The following USP34 variants were observed in gnomAD, a reference collection of about 807,000 sequenced individuals.
USP34 encodes the protein ubiquitin carboxyl-terminal hydrolase 34.
In USP34, 70 loss-of-function variants were observed where a neutral mutation model predicts 460.3. The observed-to-expected ratio is 0.15, with a 90% CI of 0.13 to 0.19. The LOEUF (loss-of-function observed/expected upper bound fraction) is 0.19. Ranked by LOEUF, USP34 falls within the 10% of genes least tolerant of loss-of-function variation. The pLI is 1.00. For missense variants in USP34, 3,985 were observed against 4,236.2 expected (o/e 0.94, Z 1.65); for synonymous variants, 1,647 against 1,405.3 (o/e 1.17, Z -3.85).
At chr2:61,433,049 C>G (rs1694721597) in intron 1 of USP34, among the ~76,000 whole-genome samples, 1 of 152,154 alleles carries the variant, frequency 6.6e-6, no homozygotes, top group African/African-American at 2.4e-5. Flanking sequence ...ACTAAAGACA[C>G]CTAGCATTCA....
intron 5 of USP34, among the ~76,000 whole-genome samples, chr2:61,389,423 T>C (rs1693274056): frequency 1.3e-5 from 2 of 152,216 alleles, no homozygotes. Flanking sequence ...TCTTTTATTT[T>C]AGAATACACA....
intron 10 of USP34, among the ~76,000 whole-genome samples, chr2:61,356,402 A>C (rs1198755805): frequency 1.3e-5 from 2 of 151,990 alleles, no homozygotes; most frequent in Non-Finnish European, 2.9e-5. Context: ...AAGTGGGAGG[A>C]TGGCTTAATC....
At chr2:61,440,517 A>C (rs1694933287) in intron 1 of USP34, among the ~76,000 whole-genome samples, 1 of 150,600 alleles carries the variant, frequency 6.6e-6, no homozygotes, top group South Asian at 2.1e-4. Context: ...GCCCTTTTTA[A>C]ATTTTTTTTT....
At chr2:61,439,052 A>G (rs542218743) in intron 1 of USP34, among the ~76,000 whole-genome samples, 6 of 152,342 alleles carry the variant, frequency 3.9e-5, no homozygotes, top group African/African-American at 1.4e-4. Flanking sequence ...GAAATCAAGA[A>G]GGCAATTTCA....
chr2:61,356,389 CTGAAGTGG>C (rs1692104752), intron 10 of USP34, among the ~76,000 whole-genome samples: 1 of 151,966 alleles, frequency 6.6e-6, no homozygotes, highest in Non-Finnish European at 1.5e-5. Context: ...ACTTCAGAGG[CTGAAGTGG>C]GAGGATGGCT....
rs201379721 is a variant in USP34, at chr2:61,188,193, T to C, written c.10550A>G (p.His3517Arg). 156 of 1,614,052 alleles carry C rather than the reference T, an allele frequency of 9.7e-5. No homozygotes were observed. Among genetic ancestry groups the C allele is most frequent in the Non-Finnish European group, 1.2e-4 (145 of 1,180,050 alleles). Reference sequence around the variant, plus strand: ...CCTACACAGGGTATCTAAAATGTCATGTTGCTGCATATGACTAAAGAGTCC... The same window carrying C: ...CCTACACAGGGTATCTAAAATGTCACGTTGCTGCATATGACTAAAGAGTCC... ...SRGLFSHMQQ[H>R]DILDTLCRTI... The change falls in exon 80 of 80, where the codon CAT becomes CGT. Residue 3517 changes from histidine to arginine, a missense_variant. Physicochemically the swap from His to Arg is conservative, Grantham distance 29 (BLOSUM62 0). This residue lies in a region of USP34 where 506 missense variants were observed against 439.0 expected (regional missense o/e 1.15). Coordinates refer to ENST00000398571, the MANE Select transcript of USP34 (RefSeq NM_014709.4).
chr2:61,298,298 G>C (rs1400402208), intron 29 of USP34, among the ~76,000 whole-genome samples: 3 of 136,522 alleles, frequency 2.2e-5, no homozygotes, highest in Non-Finnish European at 4.6e-5. Context: ...GAGGTGGGCG[G>C]ATCACAAGGT....
intron 27 of USP34, among the ~76,000 whole-genome samples, chr2:61,303,838 G>GC (rs376358762): frequency 2.0e-5 from 3 of 151,546 alleles, no homozygotes; most frequent in Non-Finnish European, 4.4e-5. Flanking sequence ...CTCGTGATCT[G>GC]CCCGCCTCGG....
chr2:61,223,114 T>A lies in USP34; in HGVS notation c.7695A>T (p.Gln2565His). 6.2e-7 allele frequency: 1 copy of A among 1,614,066 alleles called. No homozygotes were observed. The highest frequency in any genetic ancestry group is 8.5e-7 in the Non-Finnish European group (1 of 1,179,942). Reference sequence around the variant, plus strand: ...ACAGGCTGAAAATCAGATTACAAGTTTGTCTTATATTGATGCCATCACGAA... The same window carrying A: ...ACAGGCTGAAAATCAGATTACAAGTATGTCTTATATTGATGCCATCACGAA... Reference protein sequence around the residue: ...QHIRDGINIRQTCNLIFSLCR... With the variant: ...QHIRDGINIRHTCNLIFSLCR... Residue 2565 changes from glutamine (Q) to histidine (H), a missense_variant, in exon 64 of 80, where the codon CAA becomes CAT. Around this residue, in one of 14 missense-constraint regions of USP34, gnomAD observed 604 missense variants for 684.8 expected, o/e 0.88. Transcript: ENST00000398571.
intron 69 of USP34, among the ~76,000 whole-genome samples, chr2:61,210,046 C>A (rs748174128): frequency 1.3e-5 from 2 of 151,800 alleles, no homozygotes; most frequent in Admixed American, 1.3e-4. Context: ...TTAAGTGCTA[C>A]GATAGAAGAA....
At chr2:61,232,884 T>A (rs1687953636) in intron 57 of USP34, among the ~76,000 whole-genome samples, 1 of 138,418 alleles carries the variant, frequency 7.2e-6, no homozygotes. Context: ...TTTTTTTTTT[T>A]TTTTGAGACA....
At chr2:61,284,079 G>T (rs548887929) in intron 35 of USP34, among the ~76,000 whole-genome samples, 32 of 152,132 alleles carry the variant, frequency 2.1e-4, no homozygotes, top group African/African-American at 7.7e-4. Context: ...CCAAATAAAA[G>T]AATCACTGGT....
intron 53 of USP34, among the ~76,000 whole-genome samples, chr2:61,239,300 T>TCACACACACACA (rs60152908): frequency 8.3e-4 from 110 of 132,852 alleles, no homozygotes; most frequent in East Asian, 2.3e-3. Context: ...GAGGGCCCTG[T>TCACACACACACA]CACACACACA....
chr2:61,301,521 T>G, intron 27 of USP34, 67 bp from the exon 28 acceptor site: 1 of 1,384,922 alleles, frequency 7.2e-7, no homozygotes, highest in East Asian at 2.3e-5. Flanking sequence ...GATAAGAATA[T>G]GTAGTTGTAG....
At position 61,221,507 on chromosome 2, in the gene USP34, A is replaced by G; in HGVS notation, c.7894T>C (p.Trp2632Arg). The change falls in exon 66 of 80, where the codon TGG (tryptophan) becomes CGG (arginine). Residue 2632 changes from tryptophan to arginine, a missense_variant. Around this residue, in one of 14 missense-constraint regions of USP34, gnomAD observed 604 missense variants for 684.8 expected, o/e 0.88. Transcript: ENST00000398571. ...PFASYILQRI[W>R]EVIEYNPSQC... is the part of the protein sequence containing the mutation. The stretch of plus-strand genomic sequence containing the variant: ...ACACCTGCTGCAAGACTTACCTCCC[A>G]TATCCTCTGCAGAATATAAGATGCA... 6.2e-7 allele frequency: 1 copy of G among 1,613,482 alleles called. No homozygotes were observed. Among genetic ancestry groups the G allele is most frequent in the Non-Finnish European group, 8.5e-7 (1 of 1,179,628 alleles).
At chr2:61,406,897 C>G (rs1693890183) in intron 2 of USP34, among the ~76,000 whole-genome samples, 1 of 151,922 alleles carries the variant, frequency 6.6e-6, no homozygotes, top group South Asian at 2.1e-4. Flanking sequence ...GTAATCCCAG[C>G]TACTTGGGAG....
At chr2:61,286,973 T>TA (rs1689709337) in intron 34 of USP34, among the ~76,000 whole-genome samples, 1 of 152,212 alleles carries the variant, frequency 6.6e-6, no homozygotes, top group African/African-American at 2.4e-5. Context: ...AGCATTATTA[T>TA]AACCTGGAAA....
chr2:61,401,361 C>A lies in USP34; in HGVS notation c.552+4347G>T, dbSNP rs183026755. On this transcript the variant is annotated intron_variant, in intron 3 of 79. Transcript: ENST00000398571. ...CAAGTGATCCTTCTGCCTCAGCCTC[C>A]CAAGTAGCTGGGACTACAGGCGTGC... 3.0e-3 allele frequency among the ~76,000 whole-genome samples: 455 copies of A among 151,146 alleles called. 1 individual carries two copies. The highest frequency in any genetic ancestry group is 5.5e-3 in the Non-Finnish European group (372 of 67,834).
intron 33 of USP34, among the ~76,000 whole-genome samples, chr2:61,289,180 A>G (rs72813509): frequency 0.15 from 22,271 of 152,090 alleles, 2,193 homozygotes; most frequent in South Asian, 0.37. Flanking sequence ...TTTTTGAAAA[A>G]ACATACTGCT....
Sources: gnomAD v4.1 joint callset for allele counts (sites outside exome capture counted in the v4.1 genomes callset) on GRCh38, gnomAD v4.1.1 for gene constraint, gnomAD v4.1.1 regional missense constraint, MANE v1.5 for transcripts, NCBI Gene and HGNC (gene_info 2026-07-23, HGNC 2026-07-21) for gene names.